GRIP2: variants seen among roughly 807,000 people sequenced by gnomAD.
The protein encoded by GRIP2 is glutamate receptor-interacting protein 2.
GRIP2 carries 58 observed loss-of-function variants against 108.3 expected under a neutral mutation model. The observed-to-expected ratio is 0.54, with a 90% CI of 0.43 to 0.67. The LOEUF (loss-of-function observed/expected upper bound fraction) is 0.67, where lower values mean the gene tolerates loss of function less well. Ranked by LOEUF, GRIP2 falls within the 30% of genes least tolerant of loss-of-function variation. The probability of loss-of-function intolerance (pLI) is 0.00; values close to 1 mark genes in which losing one functional copy is unlikely to be tolerated. For missense variants in GRIP2, 1,278 were observed against 1,430.6 expected (o/e 0.89, Z 1.72); for synonymous variants, 586 against 598.2 (o/e 0.98, Z 0.30).
intron 22 of GRIP2, 77 bp from the exon 23 acceptor site, chr3:14,495,066 G>A: frequency 6.4e-7 from 1 of 1,555,916 alleles, no homozygotes; most frequent in Non-Finnish European, 8.7e-7. Flanking sequence ...CAGGTCCTTT[G>A]GTCTGGCATT....
At chr3:14,551,318 G>A (rs1387172867) in intron 1 of GRIP2, among the ~76,000 whole-genome samples, 3 of 152,366 alleles carry the variant, frequency 2.0e-5, no homozygotes, top group South Asian at 4.1e-4. Flanking sequence ...CTGAGCTGAA[G>A]AGATCAGCAT....
the GRIP2 span, among the ~76,000 whole-genome samples, chr3:14,591,900 C>A: frequency 8.5e-4 from 129 of 152,296 alleles, 1 homozygote; most frequent in African/African-American, 2.9e-3. Context: ...GGAGGCACAT[C>A]AAGAGGAAGG....
the GRIP2 span, among the ~76,000 whole-genome samples, chr3:14,599,685 CTGTG>C: frequency 7.1e-4 from 90 of 127,562 alleles, no homozygotes; most frequent in Middle Eastern, 3.9e-3. Flanking sequence ...CTCTCTCTCT[CTGTG>C]TGTGTGTGTG....
chr3:14,570,024 T>G, the GRIP2 span, among the ~76,000 whole-genome samples: 1 of 152,198 alleles, frequency 6.6e-6, no homozygotes, highest in African/African-American at 2.4e-5. Context: ...GGTCACCTAC[T>G]TGGCTAGTGG....
At chr3:14,573,389 C>G in the GRIP2 span, 3 of 1,335,740 alleles carry the variant, frequency 2.2e-6, no homozygotes, top group African/African-American at 4.3e-5. Context: ...GGATGGTCAT[C>G]TGGAAGCAGA....
intron 22 of GRIP2, among the ~76,000 whole-genome samples, chr3:14,495,915 G>A (rs1308581408): frequency 6.6e-6 from 1 of 152,156 alleles, no homozygotes; most frequent in East Asian, 1.9e-4. Flanking sequence ...AGAGGCTGAG[G>A]TGGGCAGATC....
the GRIP2 span, among the ~76,000 whole-genome samples, chr3:14,595,582 T>C: frequency 1.3e-5 from 2 of 152,222 alleles, no homozygotes; most frequent in Non-Finnish European, 2.9e-5. Flanking sequence ...CGGGGATCAC[T>C]CACAGAGTTG....
chr3:14,529,417 A>G (rs2124938870), intron 1 of GRIP2, among the ~76,000 whole-genome samples: 1 of 152,330 alleles, frequency 6.6e-6, no homozygotes, highest in African/African-American at 2.4e-5. Context: ...TTTTAAAACA[A>G]ATCCTGGGCA....
rs1167641753 is a variant in GRIP2, at chr3:14,512,456, G to T, written c.1720+321C>A. On this transcript the variant is annotated intron_variant, in intron 14 of 23. Coordinates refer to ENST00000621039, the MANE Select transcript of GRIP2 (RefSeq NM_001080423.4). This position sits in a 1 kb window ranked among gnomAD's most constrained non-coding sequence, Gnocchi z 5.1. ...GCTGGGCTCTGAGAACACAGAAGCA[G>T]GCAGAAAACCAAACCCAGCCTAAAT... is the stretch of plus-strand genomic sequence containing the variant. 1.3e-5 allele frequency among the ~76,000 whole-genome samples: 2 copies of T among 152,134 alleles called. No homozygotes were observed. The highest frequency in any genetic ancestry group is 2.9e-5 in the Non-Finnish European group (2 of 68,038).
In GRIP2 at chr3:14,492,789, G is replaced by A. The variant is rs1701365408; in HGVS notation, c.*876C>T. ...GGAGGGGCTTGGGCTGAGCGGACGT[G>A]CAGATGGGTCAGTGGCCACACGGCC... On this transcript the variant is annotated 3_prime_UTR_variant, in exon 24 of 24. Transcript: ENST00000621039. The A allele has an allele frequency of 1.3e-5, 2 of 152,272 alleles. No homozygotes were observed. The highest frequency in any genetic ancestry group is 1.3e-4 in the Admixed American group (2 of 15,290). 9.4% of individuals were successfully genotyped at this position (152,272 alleles called of 1,614,324 possible). A position where few individuals can be genotyped will look rare whatever the true frequency, so the allele number is the denominator to read the frequency against.
chr3:14,592,689 C>T, the GRIP2 span, among the ~76,000 whole-genome samples: 1 of 152,192 alleles, frequency 6.6e-6, no homozygotes. Context: ...ACAAGCCACG[C>T]TTCCCCTGAC....
the GRIP2 span, among the ~76,000 whole-genome samples, chr3:14,594,478 C>T: frequency 6.6e-6 from 1 of 152,306 alleles, no homozygotes; most frequent in South Asian, 2.1e-4. Flanking sequence ...AAGAGGCGCT[C>T]CCTCACCTTG....
chr3:14,568,177 G>A, the GRIP2 span, among the ~76,000 whole-genome samples: 6,778 of 152,226 alleles, frequency 0.045, 534 homozygotes, highest in African/African-American at 0.15. Flanking sequence ...TTGAAGAGAG[G>A]AGGGAGTGAT....
At chr3:14,554,376 G>A (rs961261820) in intron 1 of GRIP2, among the ~76,000 whole-genome samples, 1 of 152,144 alleles carries the variant, frequency 6.6e-6, no homozygotes, top group Non-Finnish European at 1.5e-5. Context: ...GATTTCATCT[G>A]TCCCTCCAGC....
At chr3:14,587,724 C>T in the GRIP2 span, among the ~76,000 whole-genome samples, 2 of 152,032 alleles carry the variant, frequency 1.3e-5, no homozygotes, top group African/African-American at 4.8e-5. Context: ...GTTAACTGTC[C>T]CTGCCTCCCA....
intron 22 of GRIP2, among the ~76,000 whole-genome samples, chr3:14,495,729 T>G (rs987307167): frequency 6.6e-6 from 1 of 152,026 alleles, no homozygotes; most frequent in Non-Finnish European, 1.5e-5. Flanking sequence ...TAATGACCTA[T>G]AGATGGCACA....
In GRIP2 at chr3:14,500,865, A is replaced by G. The variant is rs1321765348; in HGVS notation, c.2679+2701T>C. ...TCATGAAGTTTGAGCAATTTATAAG[A>G]AAGTTGGGATATGAGAGGAGGTAGT... On this transcript the variant is annotated intron_variant, in intron 21 of 23. Transcript: ENST00000621039. Among the ~76,000 whole-genome samples, 8 of 152,320 alleles carry G rather than the reference A, an allele frequency of 5.3e-5. No homozygotes were observed. In the South Asian group the frequency reaches 1.7e-3, roughly 32 times the overall value.
At chr3:14,556,731 C>T (rs532885883), upstream of GRIP2, among the ~76,000 whole-genome samples, 8 of 152,328 alleles carry the variant, frequency 5.3e-5, no homozygotes, top group African/African-American at 1.9e-4. Context: ...GCTCAGAAAA[C>T]GCATCCAGCA....
At chr3:14,510,598 A>G (rs1575001525) in intron 16 of GRIP2, among the ~76,000 whole-genome samples, 1 of 152,070 alleles carries the variant, frequency 6.6e-6, no homozygotes, top group African/African-American at 2.4e-5. Flanking sequence ...AAGAAAAGAA[A>G]AGAAATCTAC....
Sources: gnomAD v4.1 joint callset for allele counts (sites outside exome capture counted in the v4.1 genomes callset) on GRCh38, gnomAD v4.1.1 for gene constraint, Gnocchi (gnomAD v3.1) non-coding constraint, MANE v1.5 for transcripts, NCBI Gene and HGNC (gene_info 2026-07-23, HGNC 2026-07-21) for gene names.